The following EYA2 variants were observed in gnomAD, a reference collection of about 807,000 sequenced individuals.
EYA2 encodes protein phosphatase EYA2.
In EYA2, 31 loss-of-function variants were observed where a neutral mutation model predicts 69.2. The observed-to-expected ratio is 0.45, with a 90% confidence interval of 0.34 to 0.60. EYA2 has a LOEUF of 0.60. Among genes scored for constraint, EYA2 ranks in the 20% least tolerant of loss-of-function variants. The pLI, the probability that EYA2 is intolerant of heterozygous loss-of-function variation, is 0.02. For synonymous variants in EYA2, 257 were observed against 279.4 expected, an observed-to-expected ratio of 0.92 and a Z score of 0.80; for missense variants, 622 against 701.2, an observed-to-expected ratio of 0.89 and a Z score of 1.28.
At chr20:47,074,113 A>G (rs781381755) in intron 6 of EYA2, 45 bp from the exon 7 acceptor site, 1 of 1,518,500 alleles carries the variant, frequency 6.6e-7, no homozygotes, top group Admixed American at 1.9e-5. Context: ...CCGAGCCCAG[A>G]AAGGCTTCCT....
At chr20:46,991,742 G>T (rs1176310123) in intron 2 of EYA2, among the ~76,000 whole-genome samples, 1 of 152,160 alleles carries the variant, frequency 6.6e-6, no homozygotes, top group Non-Finnish European at 1.5e-5. Flanking sequence ...GGCCAAGGCA[G>T]GCGGATCACG....
chr20:47,170,926 G>T (rs1262666035), intron 11 of EYA2, among the ~76,000 whole-genome samples: 3 of 152,214 alleles, frequency 2.0e-5, no homozygotes, highest in Non-Finnish European at 4.4e-5. Context: ...CCTGAGCCCT[G>T]CAAGTCTTTT....
chr20:47,104,990 C>T (rs760266871), intron 9 of EYA2, among the ~76,000 whole-genome samples: 1 of 152,166 alleles, frequency 6.6e-6, no homozygotes, highest in East Asian at 1.9e-4. Context: ...CATTGCACTC[C>T]AGCCTGGGCG....
chr20:47,118,029 T>C (rs928876503), intron 9 of EYA2, among the ~76,000 whole-genome samples: 1 of 152,250 alleles, frequency 6.6e-6, no homozygotes, highest in Non-Finnish European at 1.5e-5. Flanking sequence ...TGCAGGAGCC[T>C]GTAGCTCTGA....
intron 9 of EYA2, chr20:47,117,291 T>G: frequency 1.7e-4 from 141 of 843,994 alleles, no homozygotes; most frequent in Non-Finnish European, 1.8e-4. Context: ...GTTACAGGCA[T>G]GAGCCACCGC....
chr20:46,939,926 G>A (rs1365765270), intron 1 of EYA2, among the ~76,000 whole-genome samples: 1 of 152,120 alleles, frequency 6.6e-6, no homozygotes, highest in East Asian at 1.9e-4. Context: ...TAAAATAAGG[G>A]GAGAGTAAAA....
intron 1 of EYA2, among the ~76,000 whole-genome samples, chr20:46,943,746 C>T (rs1012849018): frequency 3.3e-5 from 5 of 152,162 alleles, no homozygotes; most frequent in Admixed American, 6.5e-5. Flanking sequence ...TCCGTGCTCC[C>T]GCCTTGCTCA....
chr20:47,106,903 T>C (rs2032598201), intron 9 of EYA2, among the ~76,000 whole-genome samples: 1 of 152,062 alleles, frequency 6.6e-6, no homozygotes, highest in Admixed American at 6.6e-5. Context: ...ATCTCGCCCA[T>C]GTTCTTGTTG....
chr20:47,126,986 C>T (rs2033207550), intron 9 of EYA2, among the ~76,000 whole-genome samples: 2 of 152,144 alleles, frequency 1.3e-5, no homozygotes, highest in South Asian at 4.1e-4. Context: ...ATTACTCAGA[C>T]TTTTCATTCT....
At chr20:47,016,518 G>C (rs1332930347) in intron 5 of EYA2, among the ~76,000 whole-genome samples, 3 of 152,232 alleles carry the variant, frequency 2.0e-5, no homozygotes, top group Non-Finnish European at 4.4e-5. Context: ...GATGATTTGG[G>C]AAGGGGTTGA....
At chr20:47,161,455 A>C in intron 10 of EYA2, 2 of 442,644 alleles carry the variant, frequency 4.5e-6, no homozygotes, top group Admixed American at 5.5e-5. Context: ...ATGATCTCAA[A>C]CTCTTTGATG....
At chr20:47,004,728 T>TCA in intron 3 of EYA2, 1 of 649,138 alleles carries the variant, frequency 1.5e-6, no homozygotes, top group Non-Finnish European at 2.7e-6. Flanking sequence ...CTGAACCCAG[T>TCA]CACACGGCTG....
At chr20:46,964,025 GC>G (rs1979636901) in intron 1 of EYA2, among the ~76,000 whole-genome samples, 1 of 152,258 alleles carries the variant, frequency 6.6e-6, no homozygotes, top group African/African-American at 2.4e-5. Context: ...AATTTGGTGA[GC>G]CACAGCCAGC....
At chr20:46,958,773 A>G (rs898648474) in intron 1 of EYA2, among the ~76,000 whole-genome samples, 3 of 152,110 alleles carry the variant, frequency 2.0e-5, no homozygotes, top group Non-Finnish European at 2.9e-5. Context: ...GCTCGCACCT[A>G]TTAAGTGAGA....
At chr20:47,147,061 T>A (rs1216170719) in intron 10 of EYA2, among the ~76,000 whole-genome samples, 5 of 148,898 alleles carry the variant, frequency 3.4e-5, no homozygotes, top group Non-Finnish European at 6.0e-5. Context: ...TGACTTTTTT[T>A]TTTTTTTTTT....
At chr20:46,986,294 C>A (rs1308857) in intron 1 of EYA2, among the ~76,000 whole-genome samples, 1 of 141,214 alleles carries the variant, frequency 7.1e-6, no homozygotes, top group African/African-American at 2.6e-5. Flanking sequence ...CTCTATATAT[C>A]TAATGTATAT....
At chr20:46,970,311 CTTGT>C (rs776512984) in intron 1 of EYA2, among the ~76,000 whole-genome samples, 2 of 152,170 alleles carry the variant, frequency 1.3e-5, no homozygotes, top group Non-Finnish European at 2.9e-5. Flanking sequence ...GGGTTTTCTG[CTTGT>C]TTAAGTGTAT....
At chr20:47,167,192 T>C (rs2034216299) in intron 10 of EYA2, 2 of 154,160 alleles carry the variant, frequency 1.3e-5, no homozygotes, top group African/African-American at 4.8e-5. Flanking sequence ...CTGTAACAAA[T>C]TTCCCCCAGT....
At chr20:47,165,404 C>G (rs116302815) in intron 10 of EYA2, among the ~76,000 whole-genome samples, 2,819 of 152,310 alleles carry the variant, frequency 0.019, 98 homozygotes, top group African/African-American at 0.064. Flanking sequence ...TGTCCTTCCA[C>G]TCCCCCACTT....
Sources: allele counts gnomAD v4.1 joint callset (sites outside exome capture counted in the v4.1 genomes callset), GRCh38; gene constraint gnomAD v4.1.1; transcripts MANE v1.5; gene names NCBI Gene and HGNC (gene_info 2026-07-23, HGNC 2026-07-21).